Variants in PPP1R9A observed in about 807,000 individuals in gnomAD.
PPP1R9A encodes protein phosphatase 1 regulatory subunit 9A.
PPP1R9A carries 59 observed loss-of-function variants against 141.9 expected under a neutral mutation model. The observed-to-expected ratio is 0.42, with a 90% CI of 0.34 to 0.52. The LOEUF is 0.52. Among genes scored for constraint, PPP1R9A ranks in the 20% least tolerant of loss-of-function variants. The pLI is 0.10. For missense variants in PPP1R9A, 1,444 were observed against 1,611.9 expected, an observed-to-expected ratio of 0.90 and a Z score of 1.78; for synonymous variants, 500 against 569.7, an observed-to-expected ratio of 0.88 and a Z score of 1.74.
intron 5 of PPP1R9A, among the ~76,000 whole-genome samples, chr7:95,167,640 T>C (rs1238628220): frequency 6.6e-6 from 1 of 152,072 alleles, no homozygotes; most frequent in Non-Finnish European, 1.5e-5. Flanking sequence ...ATCTTATAGC[T>C]AGAAAAATTT....
chr7:95,164,786 C>T (rs1370623564), intron 5 of PPP1R9A, among the ~76,000 whole-genome samples: 32 of 100,702 alleles, frequency 3.2e-4, no homozygotes. Flanking sequence ...TTTAACTGTT[C>T]CATGCTTTAT....
intron 2 of PPP1R9A, among the ~76,000 whole-genome samples, chr7:94,913,097 G>T (rs1486536514): frequency 6.6e-6 from 1 of 152,190 alleles, no homozygotes; most frequent in East Asian, 1.9e-4. Flanking sequence ...TCAAGGAGTT[G>T]TTAAACCCAG....
chr7:95,206,918 G>T (rs1790924569), intron 7 of PPP1R9A, among the ~76,000 whole-genome samples: 1 of 152,116 alleles, frequency 6.6e-6, no homozygotes, highest in Non-Finnish European at 1.5e-5. Context: ...ACACCTTTCT[G>T]TAAGGTGAAA....
At chr7:95,047,102 C>T (rs566674790) in intron 2 of PPP1R9A, among the ~76,000 whole-genome samples, 1 of 152,334 alleles carries the variant, frequency 6.6e-6, no homozygotes, top group South Asian at 2.1e-4. Context: ...GTGTAACACA[C>T]ACCATAGTTG....
At chr7:95,119,483 C>T (rs1005128390) in intron 3 of PPP1R9A, among the ~76,000 whole-genome samples, 5 of 152,082 alleles carry the variant, frequency 3.3e-5, no homozygotes, top group Admixed American at 1.3e-4. Flanking sequence ...TAGACAGGGT[C>T]TCGCAGTGTT....
rs1219417668 is a variant in PPP1R9A at position 95,203,036 on chromosome 7, G to T, written c.1891-629G>T. On this transcript the variant is annotated intron_variant, in intron 6 of 19. Coordinates refer to ENST00000433360, the MANE Select transcript of PPP1R9A (RefSeq NM_001166160.2). ...TCCTTAGGCAGTAGTTCATAAGAAGGTTAATCATCACTCCAGAAACTGAAG... is the reference window on the plus strand; with the variant it reads ...TCCTTAGGCAGTAGTTCATAAGAAGTTTAATCATCACTCCAGAAACTGAAG... Among the ~76,000 whole-genome samples, 6 of 152,140 alleles carry T rather than the reference G, an allele frequency of 3.9e-5. No homozygotes were observed. In the South Asian group the frequency reaches 1.0e-3, roughly 26 times the overall value.
Position 95,295,522 on chromosome 7 carries a change from C to A in PPP1R9A, c.*5219C>A, listed in dbSNP as rs1411289228. On this transcript the variant is annotated 3_prime_UTR_variant, in exon 20 of 20. Transcript: ENST00000433360. ...ACATAATTGGTGGCTGTGATGCTTA[C>A]AGTCACTGCCTACTGGCTCTCTTAT... The A allele has an allele frequency of 6.6e-6, 1 of 152,204 alleles. No individual in the cohort carries two copies. The highest frequency in any genetic ancestry group is 6.5e-5 in the Admixed American group (1 of 15,272). The allele number at this position is 152,204 out of a possible 1,614,324, so 9.4% of individuals were successfully genotyped here. A position where few individuals can be genotyped will look rare whatever the true frequency, so the allele number is the denominator to read the frequency against.
chr7:94,912,133 C>T (rs911528701), intron 2 of PPP1R9A, among the ~76,000 whole-genome samples: 3 of 152,114 alleles, frequency 2.0e-5, no homozygotes, highest in Non-Finnish European at 4.4e-5. Flanking sequence ...AAATTTGTTA[C>T]ATAGCTTTAA....
chr7:95,099,837 A>G (rs1164917943), intron 2 of PPP1R9A, among the ~76,000 whole-genome samples: 2 of 152,194 alleles, frequency 1.3e-5, no homozygotes, highest in East Asian at 1.9e-4. Flanking sequence ...CTTTTCAAGT[A>G]TTTTAACAAC....
intron 2 of PPP1R9A, among the ~76,000 whole-genome samples, chr7:94,937,503 A>G (rs1009296329): frequency 2.0e-5 from 3 of 152,182 alleles, no homozygotes; most frequent in African/African-American, 4.8e-5. Context: ...TTTTTTCCCT[A>G]GTATAATTGG....
At chr7:95,013,189 A>G (rs1804663863) in intron 2 of PPP1R9A, among the ~76,000 whole-genome samples, 1 of 152,164 alleles carries the variant, frequency 6.6e-6, no homozygotes. Flanking sequence ...TGCATAAGAA[A>G]TTAACCAACT....
chr7:94,932,794 A>C (rs1485706711), intron 2 of PPP1R9A, among the ~76,000 whole-genome samples: 2 of 120,772 alleles, frequency 1.7e-5, no homozygotes, highest in African/African-American at 6.6e-5. Flanking sequence ...TGGTCAGGAG[A>C]GGTAACAGGG....
At chr7:95,106,243 T>C (rs1460168403) in intron 2 of PPP1R9A, among the ~76,000 whole-genome samples, 5 of 152,192 alleles carry the variant, frequency 3.3e-5, no homozygotes, top group Non-Finnish European at 7.3e-5. Flanking sequence ...TCATTTTATT[T>C]TCCTAATACT....
rs1806263564 is a variant in PPP1R9A at position 95,290,867 on chromosome 7, T to C, written c.*564T>C. On this transcript the variant is annotated 3_prime_UTR_variant, in exon 20 of 20. Coordinates refer to ENST00000433360, the MANE Select transcript of PPP1R9A (RefSeq NM_001166160.2). ...CTGTGGAAACATGGGTGCTCTGCTC[T>C]GTAGTTACCTACTAAGGGAAAAGGC... 1 of 152,730 alleles carries C rather than the reference T, an allele frequency of 6.5e-6. No homozygotes were observed. The highest frequency in any genetic ancestry group is 6.5e-5 in the Admixed American group (1 of 15,372). 9.5% of individuals were successfully genotyped at this position (152,730 alleles called of 1,614,324 possible).
At chr7:95,011,447 GATA>G (rs770643780) in intron 2 of PPP1R9A, among the ~76,000 whole-genome samples, 99 of 152,060 alleles carry the variant, frequency 6.5e-4, no homozygotes, top group Admixed American at 3.2e-3. Flanking sequence ...TAAAACCTAA[GATA>G]ATGTTTCAAA....
At chr7:95,063,325 A>G (rs1017322891) in intron 2 of PPP1R9A, among the ~76,000 whole-genome samples, 1 of 152,118 alleles carries the variant, frequency 6.6e-6, no homozygotes, top group African/African-American at 2.4e-5. Flanking sequence ...ATTTAATAGG[A>G]GGCTGAGGCA....
chr7:95,100,876 G>A (rs1319466857), intron 2 of PPP1R9A, among the ~76,000 whole-genome samples: 6 of 130,310 alleles, frequency 4.6e-5, no homozygotes, highest in East Asian at 4.4e-4. Flanking sequence ...TTTTTGAGAC[G>A]GAGTCTCGCT....
At chr7:95,026,550 A>T (rs1230307929) in intron 2 of PPP1R9A, among the ~76,000 whole-genome samples, 1 of 152,184 alleles carries the variant, frequency 6.6e-6, no homozygotes, top group African/African-American at 2.4e-5. Flanking sequence ...CAGGAGACAC[A>T]GGTGTCAGCG....
chr7:95,176,477 A>C (rs917450888), intron 5 of PPP1R9A: 1 of 153,000 alleles, frequency 6.5e-6, no homozygotes, highest in Non-Finnish European at 1.5e-5. Context: ...CCAGAAAAAA[A>C]ATCACAGTAG....
Sources: gnomAD v4.1 joint callset for allele counts (sites outside exome capture counted in the v4.1 genomes callset) on GRCh38, gnomAD v4.1.1 for gene constraint, MANE v1.5 for transcripts, NCBI Gene and HGNC (gene_info 2026-07-23, HGNC 2026-07-21) for gene names.